The following PAPPA2 variants were observed in gnomAD, a reference collection of about 807,000 sequenced individuals.
PAPPA2 encodes pappalysin 2.
PAPPA2 carries 86 observed loss-of-function variants against 176.4 expected under a neutral mutation model. That is an observed-to-expected ratio of 0.49 (90% CI 0.41 to 0.58). The LOEUF is 0.58. Among genes scored for constraint, PAPPA2 ranks in the 20% least tolerant of loss-of-function variants. The pLI, the probability that PAPPA2 is intolerant of heterozygous loss-of-function variation, is 0.00. For missense variants in PAPPA2, 2,073 were observed against 2,256.9 expected, an observed-to-expected ratio of 0.92 and a Z score of 1.65; for synonymous variants, 809 against 852.2, an observed-to-expected ratio of 0.95 and a Z score of 0.88.
At chr1:176,531,776 G>T (rs1246985119) in intron 1 of PAPPA2, among the ~76,000 whole-genome samples, 2 of 152,160 alleles carry the variant, frequency 1.3e-5, no homozygotes, top group African/African-American at 4.8e-5. Flanking sequence ...AGTGGGAATG[G>T]TAAACAGATC....
rs756077440 is a variant in PAPPA2, at chr1:176,769,655, A to G, written c.4372A>G (p.Ser1458Gly). ...TTCTGGGCACTGGGACCAGAATGTGAGCTGCCTTCCCGTGGACTGCGGTGT... is the reference window on the plus strand; with the variant it reads ...TTCTGGGCACTGGGACCAGAATGTGGGCTGCCTTCCCGTGGACTGCGGTGT... ...CSSGHWDQNVSCLPVDCGVPD... is the reference protein window; with the variant it reads ...CSSGHWDQNVGCLPVDCGVPD... The change falls in exon 16 of 23, where the codon AGC (serine) becomes GGC (glycine). Residue 1458 changes from serine to glycine, a missense_variant. Physicochemically the swap from Ser to Gly is moderately conservative, Grantham distance 56. Transcript: ENST00000367662. The G allele has an allele frequency of 1.2e-6, 2 of 1,613,878 alleles. No individual in the cohort carries two copies. The highest frequency in any genetic ancestry group is 1.7e-6 in the Non-Finnish European group (2 of 1,179,954).
intron 2 of PAPPA2, among the ~76,000 whole-genome samples, chr1:176,576,039 CT>C (rs1230475170): frequency 4.6e-5 from 7 of 152,130 alleles, no homozygotes; most frequent in Non-Finnish European, 7.4e-5. Context: ...ATAAATAATG[CT>C]GTCATGAACA....
rs754181424 is a variant in PAPPA2, at chr1:176,690,448, T to C, written c.2431+18T>C. On this transcript the variant is annotated intron_variant, in intron 5 of 22. Coordinates refer to ENST00000367662, the MANE Select transcript of PAPPA2 (RefSeq NM_020318.3). The stretch of plus-strand genomic sequence containing the variant: ...CTACACGGGTATCACCACTGTCTTG[T>C]TTTGTTTTCTGTTAAGAATACATGG... 1.6e-5 allele frequency: 25 copies of C among 1,608,248 alleles called. 1 individual carries two copies. In the South Asian group the frequency reaches 2.6e-4, roughly 17 times the overall value.
chr1:176,536,242 GA>G (rs1650060134), intron 1 of PAPPA2, among the ~76,000 whole-genome samples: 1 of 152,216 alleles, frequency 6.6e-6, no homozygotes, highest in Non-Finnish European at 1.5e-5. Context: ...CAAGTTGTGA[GA>G]AAGATATTTT....
intron 3 of PAPPA2, chr1:176,616,615 C>T (rs533534832): frequency 1.3e-6 from 2 of 1,568,888 alleles, no homozygotes; most frequent in East Asian, 4.5e-5. Context: ...CCTTCTTTCT[C>T]CACAAGAGTA....
At chr1:176,835,995 G>C (rs2102988925) in intron 21 of PAPPA2, among the ~76,000 whole-genome samples, 1 of 152,240 alleles carries the variant, frequency 6.6e-6, no homozygotes, top group Non-Finnish European at 1.5e-5. Context: ...GGCACAATAA[G>C]GTAAATCATG....
chr1:176,782,094 A>G (rs1219996958), intron 17 of PAPPA2, among the ~76,000 whole-genome samples: 1 of 152,222 alleles, frequency 6.6e-6, no homozygotes, highest in African/African-American at 2.4e-5. Flanking sequence ...CCATTGGTAG[A>G]AACCTGAATG....
At chr1:176,526,791 T>C (rs1025151002) in intron 1 of PAPPA2, among the ~76,000 whole-genome samples, 3 of 152,186 alleles carry the variant, frequency 2.0e-5, no homozygotes, top group African/African-American at 7.2e-5. Flanking sequence ...GGCACAGGGC[T>C]TGAGGTTGGA....
chr1:176,695,966 A>ATGTGTG lies in PAPPA2; in HGVS notation c.2746+143_2746+148dup, dbSNP rs67178111. ...GGTGACAAAAAGGCAATGTATGTGTATGTGTGTGTGTGTGTGTGTGTGTGT... is the reference window on the plus strand; with the variant it reads ...GGTGACAAAAAGGCAATGTATGTGTATGTGTGTGTGTGTGTGTGTGTGTGTGTGTGT... On this transcript the variant is annotated intron_variant, in intron 7 of 22. Transcript: ENST00000367662. 1,961 of 865,532 alleles carry ATGTGTG rather than the reference A, an allele frequency of 2.3e-3. 13 individuals carry two copies. The highest frequency in any genetic ancestry group is 0.017 in the African/African-American group (932 of 55,496). 53.6% of individuals were successfully genotyped at this position (865,532 alleles called of 1,614,324 possible).
chr1:176,687,631 A>G (rs921194201), intron 4 of PAPPA2, among the ~76,000 whole-genome samples: 44 of 152,098 alleles, frequency 2.9e-4, no homozygotes, highest in Non-Finnish European at 4.4e-5. Flanking sequence ...TTCTTTATCT[A>G]TAATTGAAGG....
intron 4 of PAPPA2, among the ~76,000 whole-genome samples, chr1:176,678,329 A>G (rs900755757): frequency 6.6e-6 from 1 of 152,164 alleles, no homozygotes; most frequent in African/African-American, 2.4e-5. Context: ...AACTACTATC[A>G]TTTAAAAATA....
At chr1:176,573,042 C>T (rs771619830) in intron 2 of PAPPA2, among the ~76,000 whole-genome samples, 175 of 152,220 alleles carry the variant, frequency 1.1e-3, no homozygotes, top group Middle Eastern at 3.4e-3. Context: ...GCCAAAGAAC[C>T]TTGAGAGAGA....
chr1:176,626,946 C>T (rs1194171234), intron 3 of PAPPA2, among the ~76,000 whole-genome samples: 3 of 147,130 alleles, frequency 2.0e-5, no homozygotes, highest in Non-Finnish European at 4.5e-5. Flanking sequence ...TGGTTTCACA[C>T]TCCTGAGTTC....
intron 3 of PAPPA2, among the ~76,000 whole-genome samples, chr1:176,643,699 G>A (rs1189418429): frequency 6.6e-6 from 1 of 151,854 alleles, no homozygotes; most frequent in Admixed American, 6.6e-5. Flanking sequence ...AATATCCATG[G>A]TAAACACAGG....
intron 21 of PAPPA2, among the ~76,000 whole-genome samples, chr1:176,812,211 CT>C (rs36087008): frequency 1.3e-4 from 19 of 142,772 alleles, no homozygotes; most frequent in Admixed American, 6.9e-4. Flanking sequence ...CTTTTTTGTT[CT>C]TTTTTTTTTG....
At chr1:176,577,374 T>C (rs1243286803) in intron 2 of PAPPA2, among the ~76,000 whole-genome samples, 3 of 152,142 alleles carry the variant, frequency 2.0e-5, no homozygotes, top group South Asian at 4.1e-4. Context: ...CTAGTATCCT[T>C]GCACATGAAA....
chr1:176,484,177 A>T (rs754418828), intron 1 of PAPPA2, among the ~76,000 whole-genome samples: 2 of 152,098 alleles, frequency 1.3e-5, no homozygotes, highest in Non-Finnish European at 2.9e-5. Flanking sequence ...TTCTCCTCCT[A>T]TGTGCATAGT....
chr1:176,606,521 G>A (rs1256571818), intron 3 of PAPPA2, among the ~76,000 whole-genome samples: 3 of 152,158 alleles, frequency 2.0e-5, no homozygotes, highest in African/African-American at 7.2e-5. Context: ...CTGGAGTACA[G>A]TGGCGTGATC....
intron 21 of PAPPA2, among the ~76,000 whole-genome samples, chr1:176,820,379 A>T (rs1046127217): frequency 6.6e-6 from 1 of 152,148 alleles, no homozygotes; most frequent in Non-Finnish European, 1.5e-5. Flanking sequence ...AGTTCATTCT[A>T]GCCTGCAACA....
Sources: gnomAD v4.1 joint callset for allele counts (sites outside exome capture counted in the v4.1 genomes callset) on GRCh38, gnomAD v4.1.1 for gene constraint, MANE v1.5 for transcripts, NCBI Gene and HGNC (gene_info 2026-07-23, HGNC 2026-07-21) for gene names.